ABCA12: variants seen among roughly 807,000 people sequenced by gnomAD.
ABCA12 encodes the protein ATP binding cassette subfamily A member 12.
Under a neutral mutation model 293.5 loss-of-function variants are expected in ABCA12, and 156 were observed. That is an observed-to-expected ratio of 0.53 (90% CI 0.47 to 0.61). The LOEUF (loss-of-function observed/expected upper bound fraction) is 0.61. ABCA12 is among the 20% of genes least tolerant of loss of function. The pLI is 0.00. For missense variants in ABCA12, 2,797 were observed against 3,090.2 expected (o/e 0.91, Z 2.25); for synonymous variants, 1,063 against 1,108.0 (o/e 0.96, Z 0.81).
chr2:214,981,199 T>C (rs371128144), intron 30 of ABCA12, among the ~76,000 whole-genome samples: 97 of 152,294 alleles, frequency 6.4e-4, no homozygotes, highest in African/African-American at 2.0e-3. Flanking sequence ...TCCTTTATTA[T>C]GCTGAGTGAC....
intron 2 of ABCA12, among the ~76,000 whole-genome samples, chr2:215,101,645 T>C (rs1702358946): frequency 6.6e-6 from 1 of 152,172 alleles, no homozygotes; most frequent in Non-Finnish European, 1.5e-5. Flanking sequence ...AAATCTTATT[T>C]TGGACAGTAT....
chr2:214,990,017 A>G (rs191332775), intron 24 of ABCA12, among the ~76,000 whole-genome samples: 7 of 152,390 alleles, frequency 4.6e-5, no homozygotes, highest in African/African-American at 9.6e-5. Context: ...TAGAAGTACT[A>G]TGAATAAAAA....
At chr2:215,084,350 C>T (rs1163717269) in intron 2 of ABCA12, among the ~76,000 whole-genome samples, 1 of 152,044 alleles carries the variant, frequency 6.6e-6, no homozygotes, top group Non-Finnish European at 1.5e-5. Flanking sequence ...AACCACCCCC[C>T]CACCAAAAAA....
intron 14 of ABCA12, among the ~76,000 whole-genome samples, chr2:215,016,477 G>A (rs1370497819): frequency 1.3e-5 from 2 of 149,176 alleles, no homozygotes; most frequent in East Asian, 2.0e-4. Context: ...CAGCTACTCG[G>A]GAGGCTGAGG....
intron 1 of ABCA12, among the ~76,000 whole-genome samples, chr2:215,126,780 T>C (rs1311970077): frequency 1.3e-5 from 2 of 152,082 alleles, no homozygotes; most frequent in Non-Finnish European, 2.9e-5. Flanking sequence ...GTAATTTTAT[T>C]TCAATATCAT....
At chr2:215,001,887 A>AG in intron 20 of ABCA12, 150 bp from the exon 21 acceptor site, 1 of 711,822 alleles carries the variant, frequency 1.4e-6, no homozygotes, top group Non-Finnish European at 2.3e-6. Context: ...AGTATTCTAC[A>AG]CCAAAGAAAA....
At chr2:215,076,868 TA>T (rs1164858956) in intron 2 of ABCA12, among the ~76,000 whole-genome samples, 3 of 152,274 alleles carry the variant, frequency 2.0e-5, no homozygotes, top group Non-Finnish European at 4.4e-5. Flanking sequence ...CCAAAAAGCT[TA>T]ATACAAAAGG....
intron 1 of ABCA12, among the ~76,000 whole-genome samples, chr2:215,117,282 A>C (rs1174736808): frequency 6.6e-6 from 1 of 152,214 alleles, no homozygotes; most frequent in African/African-American, 2.4e-5. Flanking sequence ...GCTTCACATC[A>C]AGAAATTCTA....
At chr2:215,092,636 G>A (rs1702171045) in intron 2 of ABCA12, among the ~76,000 whole-genome samples, 1 of 152,056 alleles carries the variant, frequency 6.6e-6, no homozygotes, top group Non-Finnish European at 1.5e-5. Context: ...GTTACAACAT[G>A]GCCTCTTAAA....
chr2:215,014,532 T>C (rs931916899), intron 15 of ABCA12, among the ~76,000 whole-genome samples: 1 of 152,074 alleles, frequency 6.6e-6, no homozygotes, highest in East Asian at 1.9e-4. Flanking sequence ...TTGAATCAAA[T>C]GGAGATCCAC....
chr2:215,061,404 C>T (rs1444623645), intron 3 of ABCA12, among the ~76,000 whole-genome samples: 1 of 152,000 alleles, frequency 6.6e-6, no homozygotes, highest in East Asian at 1.9e-4. Context: ...AGAAACATGG[C>T]AGGCCTCTTT....
chr2:215,001,921 T>G (rs1700155100), intron 20 of ABCA12, among the ~76,000 whole-genome samples, 184 bp from the exon 21 acceptor site: 1 of 152,178 alleles, frequency 6.6e-6, no homozygotes, highest in Non-Finnish European at 1.5e-5. Flanking sequence ...AAATATTCAT[T>G]GAGGAGCCAA....
Position 215,054,662 on chromosome 2 carries a change from T to C in ABCA12, c.320A>G (p.Glu107Gly). The C allele has an allele frequency of 1.2e-6, 2 of 1,610,480 alleles. No homozygotes were observed. The highest frequency in any genetic ancestry group is 2.2e-5 in the South Asian group (2 of 91,028). Reference sequence around the variant, plus strand: ...CAGGTTGGATGACTTTCTCAGAATCTCACTAGAGAAGAAAAAGCAAGAACT... The same window carrying C: ...CAGGTTGGATGACTTTCTCAGAATCCCACTAGAGAAGAAAAAGCAAGAACT... ...GIDDALFKDS[E>G]ILRKSSNLDK... is the part of the protein sequence containing the mutation. The change falls in exon 4 of 53, where the codon GAG (glutamate) becomes GGG (glycine). Residue 107 changes from glutamate to glycine, a missense_variant and splice_region_variant. By Grantham distance (98) the Glu-to-Gly change is moderately conservative. Around this residue, in one of 3 missense-constraint regions of ABCA12, gnomAD observed 656 missense variants for 638.2 expected, o/e 1.03. Coordinates refer to ENST00000272895, the MANE Select transcript of ABCA12 (RefSeq NM_173076.3).
intron 5 of ABCA12, among the ~76,000 whole-genome samples, chr2:215,050,094 C>A (rs1701288293): frequency 1.3e-5 from 2 of 152,108 alleles, no homozygotes; most frequent in Admixed American, 6.6e-5. Context: ...AACCTCAATG[C>A]ACAGAGTCTT....
chr2:215,088,397 A>C (rs1405557431), intron 2 of ABCA12, among the ~76,000 whole-genome samples: 1 of 152,206 alleles, frequency 6.6e-6, no homozygotes, highest in Non-Finnish European at 1.5e-5. Context: ...TACTGTTTTG[A>C]ATGACTCAGT....
At chr2:215,051,242 G>A (rs1384098027) in intron 5 of ABCA12, among the ~76,000 whole-genome samples, 6 of 152,070 alleles carry the variant, frequency 3.9e-5, no homozygotes, top group Non-Finnish European at 7.4e-5. Context: ...AATTAACTGG[G>A]CATATTGAGA....
chr2:215,075,986 A>G (rs1248094087), intron 2 of ABCA12, among the ~76,000 whole-genome samples: 1 of 152,154 alleles, frequency 6.6e-6, no homozygotes, highest in African/African-American at 2.4e-5. Flanking sequence ...TCACTCCTCA[A>G]CAGTTTGTGT....
chr2:214,955,477 T>A lies in ABCA12; in HGVS notation c.6234-116A>T, dbSNP rs539170153. ...CAGGTGGATCACTTGAGCCCAGGAG[T>A]TTGAGACCAGCCTGAGCAACTTGGC... On this transcript the variant is annotated intron_variant, in intron 42 of 52. Transcript: ENST00000272895. The A allele has an allele frequency of 1.9e-5, 20 of 1,034,752 alleles. No homozygotes were observed. The Admixed American group carries it at 3.2e-4, about 17-fold the overall frequency. The allele number at this position is 1,034,752 out of a possible 1,614,324, so 64.1% of individuals were successfully genotyped here. A position where few individuals can be genotyped will look rare whatever the true frequency, so the allele number is the denominator to read the frequency against.
chr2:214,966,696 G>A (rs191098867), intron 39 of ABCA12, 152 bp downstream of exon 39: 19 of 723,266 alleles, frequency 2.6e-5, no homozygotes, highest in African/African-American at 8.8e-5. Flanking sequence ...TGCATCTGGC[G>A]ATAGTTACTA....
Sources: gnomAD v4.1 joint callset for allele counts (sites outside exome capture counted in the v4.1 genomes callset) on GRCh38, gnomAD v4.1.1 for gene constraint, gnomAD v4.1.1 regional missense constraint, MANE v1.5 for transcripts, NCBI Gene and HGNC (gene_info 2026-07-23, HGNC 2026-07-21) for gene names.